Variants in SMC6 observed in about 807,000 individuals in gnomAD.
SMC6 encodes structural maintenance of chromosomes 6.
SMC6 carries 79 observed loss-of-function variants against 142.2 expected under a neutral mutation model. The observed-to-expected ratio is 0.56, with a 90% CI of 0.46 to 0.67. The LOEUF is 0.67. Among genes scored for constraint, SMC6 ranks in the 30% least tolerant of loss-of-function variants. The pLI, the probability that SMC6 is intolerant of heterozygous loss-of-function variation, is 0.00. For synonymous variants in SMC6, 411 were observed against 412.4 expected (o/e 1.00, Z 0.04); for missense variants, 1,072 against 1,284.0 (o/e 0.83, Z 2.52).
chr2:17,726,503 T>C, intron 7 of SMC6, 34 bp from the exon 8 acceptor site: 1 of 1,563,078 alleles, frequency 6.4e-7, no homozygotes, highest in Non-Finnish European at 8.7e-7. Context: ...TTGAATATTT[T>C]ACTTTAATGC....
chr2:17,742,507 T>C (rs775141135), intron 3 of SMC6, among the ~76,000 whole-genome samples: 3 of 152,194 alleles, frequency 2.0e-5, no homozygotes, highest in Non-Finnish European at 4.4e-5. Flanking sequence ...GTTTGGCAAA[T>C]GGTAGTCACT....
chr2:17,704,111 A>T (rs1005825346), intron 18 of SMC6, among the ~76,000 whole-genome samples: 2 of 152,000 alleles, frequency 1.3e-5, no homozygotes, highest in East Asian at 3.8e-4. Flanking sequence ...AAAAAAAAAA[A>T]CCAGGAAATA....
chr2:17,726,239 T>C (rs1669618189), intron 8 of SMC6, 150 bp downstream of exon 8: 1 of 482,430 alleles, frequency 2.1e-6, no homozygotes, highest in African/African-American at 2.1e-5. Flanking sequence ...TACTTAACAA[T>C]TTCCTAATCT....
chr2:17,703,263 G>T lies in SMC6; in HGVS notation c.2036C>A (p.Thr679Lys), dbSNP rs374943544. 6.2e-7 allele frequency: 1 copy of T among 1,603,506 alleles called. No homozygotes were observed. Among genetic ancestry groups the T allele is most frequent in the Non-Finnish European group, 8.5e-7 (1 of 1,175,764 alleles). ...SDLENEVENK[T>K]AQILNLQQHL... ...TTGCTGAAGATTTAATATCTGGGCCGTCTTATTTTCAACCTCATTCTCCAA... is the reference window on the plus strand; with the variant it reads ...TTGCTGAAGATTTAATATCTGGGCCTTCTTATTTTCAACCTCATTCTCCAA... The change falls in exon 19 of 28, where the codon ACG (threonine) becomes AAG (lysine). Residue 679 changes from threonine (T) to lysine (K), a missense_variant. Thr to Lys is a moderately conservative substitution (Grantham distance 78). Around this residue, in one of 3 missense-constraint regions of SMC6, gnomAD observed 994 missense variants for 1,153.2 expected, o/e 0.86. Coordinates refer to ENST00000448223, the MANE Select transcript of SMC6 (RefSeq NM_001142286.2).
chr2:17,721,369 T>C (rs1267197575), intron 9 of SMC6, 108 bp from the exon 10 acceptor site: 1 of 1,070,330 alleles, frequency 9.3e-7, no homozygotes, highest in Non-Finnish European at 1.3e-6. Context: ...ACTACATAAA[T>C]ATTCGTTTAA....
Position 17,666,238 on chromosome 2 carries a change from CA to C in SMC6, c.3161+181del, listed in dbSNP as rs199751204. On this transcript the variant is annotated intron_variant, in intron 27 of 27. Coordinates refer to ENST00000448223, the MANE Select transcript of SMC6 (RefSeq NM_001142286.2). ...CTTCAGTTATGAAAGGGAAGTAATA[CA>C]AGTAAAATTTTAAATATCTCAAAAA... is the stretch of plus-strand genomic sequence containing the variant. 8.5e-5 allele frequency among the ~76,000 whole-genome samples: 13 copies of C among 152,264 alleles called. No individual in the cohort carries two copies. The East Asian group carries it at 2.5e-3, about 29-fold the overall frequency.
chr2:17,706,793 C>T lies in SMC6; in HGVS notation c.2006+426G>A, dbSNP rs189953860. On this transcript the variant is annotated intron_variant, in intron 18 of 27. Coordinates refer to ENST00000448223, the MANE Select transcript of SMC6 (RefSeq NM_001142286.2). ...CTAATCATGTCAGTTGATCTTCTTT[C>T]TAGAACTGTGCACCTCAAAGTACCA... Among the ~76,000 whole-genome samples the T allele has an allele frequency of 1.3e-3, 192 of 152,232 alleles. 1 individual carries two copies. Among genetic ancestry groups the T allele is most frequent in the Non-Finnish European group, 2.1e-3 (141 of 68,012 alleles).
intron 23 of SMC6, 128 bp from the exon 24 acceptor site, chr2:17,683,891 T>A: frequency 1.2e-6 from 1 of 800,772 alleles, no homozygotes; most frequent in South Asian, 1.5e-5. Context: ...CTAGTAGCAG[T>A]CAATTTCATA....
chr2:17,677,023 T>C (rs966130438), intron 25 of SMC6, among the ~76,000 whole-genome samples: 1 of 151,892 alleles, frequency 6.6e-6, no homozygotes, highest in African/African-American at 2.4e-5. Flanking sequence ...TGTTCCAATA[T>C]ACATGCCTTT....
chr2:17,708,642 G>C lies in SMC6; in HGVS notation c.1842C>G (p.Ile614Met). Residue 614 changes from isoleucine (I) to methionine (M), a missense_variant, in exon 17 of 28, where the codon ATC becomes ATG. Transcript: ENST00000448223. Reference protein sequence around the residue: ...DMRGIETVLLIKNNSVARAVM... With the variant: ...DMRGIETVLLMKNNSVARAVM... ...AGCAAAGATCTGGAGGTCTTACTTTGATTAGTAGCACTGTCTCTATGCCTC... is the reference window on the plus strand; with the variant it reads ...AGCAAAGATCTGGAGGTCTTACTTTCATTAGTAGCACTGTCTCTATGCCTC... 2.0e-6 allele frequency: 3 copies of C among 1,475,438 alleles called. No individual in the cohort carries two copies. The highest frequency in any genetic ancestry group is 2.7e-6 in the Non-Finnish European group (3 of 1,104,674). 91.4% of individuals were successfully genotyped at this position (1,475,438 alleles called of 1,614,324 possible).
At chr2:17,743,350 C>T (rs1171371390) in intron 3 of SMC6, among the ~76,000 whole-genome samples, 1 of 152,164 alleles carries the variant, frequency 6.6e-6, no homozygotes. Flanking sequence ...TTCCCTTCAT[C>T]AGCACAGTAT....
chr2:17,695,076 GTA>G lies in SMC6; in HGVS notation c.2678+74_2678+75del, dbSNP rs1303515716. On this transcript the variant is annotated intron_variant, in intron 23 of 27. Coordinates refer to ENST00000448223, the MANE Select transcript of SMC6 (RefSeq NM_001142286.2). The stretch of plus-strand genomic sequence containing the variant: ...AACACTTCATTCAAATTTAAGACAT[GTA>G]TATGTTTTTCATTTTTTGTCTTGAT... 3.9e-5 allele frequency: 59 copies of G among 1,497,764 alleles called. No homozygotes were observed. In the Admixed American group the frequency reaches 6.2e-4, roughly 16 times the overall value. 92.8% of individuals were successfully genotyped at this position (1,497,764 alleles called of 1,614,324 possible).
intron 11 of SMC6, among the ~76,000 whole-genome samples, chr2:17,718,670 G>A (rs1275293780): frequency 1.3e-5 from 2 of 152,182 alleles, no homozygotes; most frequent in Admixed American, 6.5e-5. Flanking sequence ...ATTAATCTAA[G>A]TGTACCAGGA....
At chr2:17,692,427 A>G (rs553423130) in intron 23 of SMC6, among the ~76,000 whole-genome samples, 1 of 152,358 alleles carries the variant, frequency 6.6e-6, no homozygotes, top group South Asian at 2.1e-4. Flanking sequence ...CTGATTTTTG[A>G]CAAACCTCAC....
intron 2 of SMC6, among the ~76,000 whole-genome samples, chr2:17,748,813 T>A (rs557873858): frequency 6.6e-6 from 1 of 152,332 alleles, no homozygotes; most frequent in African/African-American, 2.4e-5. Context: ...CACATGATCA[T>A]GCAGTTAGCA....
At chr2:17,694,117 T>C (rs534721569) in intron 23 of SMC6, among the ~76,000 whole-genome samples, 1 of 151,410 alleles carries the variant, frequency 6.6e-6, no homozygotes, top group Admixed American at 6.6e-5. Context: ...AAATCTTGCA[T>C]ATTCTCATTC....
rs756114942 is a variant in SMC6, at chr2:17,716,228, G to A, written c.1383C>T (p.Tyr461=). 1 of 1,611,852 alleles carries A rather than the reference G, an allele frequency of 6.2e-7. No homozygotes were observed. Among genetic ancestry groups the A allele is most frequent in the South Asian group, 1.1e-5 (1 of 90,636 alleles). Residue 461 remains tyrosine (Y), a synonymous_variant, in exon 15 of 28, where the codon TAC becomes TAT. Transcript: ENST00000448223. Reference sequence around the variant, plus strand: ...TCAATTCTTTCAGTTGCCTCTGATTGTAGCTCAGTGCATGCTTCACATCTA... The same window carrying A: ...TCAATTCTTTCAGTTGCCTCTGATTATAGCTCAGTGCATGCTTCACATCTA... The part of the protein sequence containing the change: ...EELDVKHALS[Y]NQRQLKELKD...
At chr2:17,710,466 AT>A (rs1338891733) in intron 16 of SMC6, among the ~76,000 whole-genome samples, 1 of 152,206 alleles carries the variant, frequency 6.6e-6, no homozygotes, top group Non-Finnish European at 1.5e-5. Flanking sequence ...TCAGTCATCA[AT>A]GTATGATCTG....
Position 17,663,981 on chromosome 2 carries a change from T to C in SMC6, c.*1518A>G, listed in dbSNP as rs1666386397. The stretch of plus-strand genomic sequence containing the variant: ...TTTGTGAGGCCAAAGCAATGAATAA[T>C]CTTCAATTCAACAAGAGATGCTGGG... On this transcript the variant is annotated 3_prime_UTR_variant, in exon 28 of 28. Transcript: ENST00000448223. The C allele has an allele frequency of 6.6e-6, 1 of 152,208 alleles. No individual in the cohort carries two copies. Among genetic ancestry groups the C allele is most frequent in the Non-Finnish European group, 1.5e-5 (1 of 68,036 alleles). 9.4% of individuals were successfully genotyped at this position (152,208 alleles called of 1,614,324 possible). A position where few individuals can be genotyped will look rare whatever the true frequency, so the allele number is the denominator to read the frequency against.
Sources: allele counts gnomAD v4.1 joint callset (sites outside exome capture counted in the v4.1 genomes callset), GRCh38; gene constraint gnomAD v4.1.1; regional missense constraint gnomAD v4.1.1; transcripts MANE v1.5; gene names NCBI Gene and HGNC (gene_info 2026-07-23, HGNC 2026-07-21).